ANKRD66: variants seen among roughly 807,000 people sequenced by gnomAD.
The protein encoded by ANKRD66 is ankyrin repeat domain 66.
ANKRD66 carries 10 observed loss-of-function variants against 10.9 expected under a neutral mutation model. The observed-to-expected ratio is 0.91, with a 90% CI of 0.56 to 1.55. ANKRD66 has a LOEUF of 1.55. ANKRD66 is among the 40% of genes most tolerant of loss of function. The pLI, the probability that ANKRD66 is intolerant of heterozygous loss-of-function variation, is 0.00. For missense variants in ANKRD66, 252 were observed against 242.9 expected (o/e 1.04, Z -0.25); for synonymous variants, 85 against 88.4 (o/e 0.96, Z 0.22).
chr6:46,757,982 G>A (rs572796590), intron 4 of ANKRD66: 43 of 152,346 alleles, frequency 2.8e-4, no homozygotes, highest in Middle Eastern at 3.4e-3. Flanking sequence ...CCAGCTTAGG[G>A]TGAGGGACTA....
At chr6:46,749,852 G>A (rs1402773556) in intron 1 of ANKRD66, 44 bp from the exon 2 acceptor site, 2 of 1,535,090 alleles carry the variant, frequency 1.3e-6, no homozygotes, top group Admixed American at 2.0e-5. Flanking sequence ...GGCATTTAGG[G>A]CATTGCATTT....
At chr6:46,748,422 T>C (rs990419845) in intron 1 of ANKRD66, among the ~76,000 whole-genome samples, 1 of 152,188 alleles carries the variant, frequency 6.6e-6, no homozygotes, top group Non-Finnish European at 1.5e-5. Flanking sequence ...AAGGCCTCTA[T>C]GAAAGGCAAG....
Position 46,746,999 on chromosome 6 carries a change from T to C in ANKRD66, c.-97+9T>C, listed in dbSNP as rs1766157275. 4.6e-6 allele frequency: 7 copies of C among 1,535,150 alleles called. No homozygotes were observed. Among genetic ancestry groups the C allele is most frequent in the Non-Finnish European group, 5.2e-6 (6 of 1,146,612 alleles). The stretch of plus-strand genomic sequence containing the variant: ...AAATTTCACACAAGACAGTAAGTGT[T>C]TTTAAGTTACCCTCTCTTATTTACT... On this transcript the variant is annotated intron_variant, in intron 1 of 4. Coordinates refer to ENST00000565422, the MANE Select transcript of ANKRD66 (RefSeq NM_001162435.3).
chr6:46,749,318 G>A (rs1305326869), intron 1 of ANKRD66, among the ~76,000 whole-genome samples: 1 of 152,178 alleles, frequency 6.6e-6, no homozygotes, highest in Non-Finnish European at 1.5e-5. Context: ...AGGAGAGAAA[G>A]TTCACTGGGA....
At chr6:46,751,892 T>C (rs1766277312) in intron 2 of ANKRD66, 45 bp from the exon 3 acceptor site, 2 of 1,391,110 alleles carry the variant, frequency 1.4e-6, no homozygotes, top group Admixed American at 3.6e-5. Flanking sequence ...TCGCTAGGAA[T>C]AAAGAGTTAC....
chr6:46,758,684 T>G (rs1766425571), intron 4 of ANKRD66, 39 bp from the exon 5 acceptor site: 3 of 1,510,304 alleles, frequency 2.0e-6, no homozygotes, highest in Non-Finnish European at 2.7e-6. Flanking sequence ...GAACAGGTCC[T>G]CCTGATCCAA....
intron 4 of ANKRD66, 76 bp downstream of exon 4, chr6:46,754,026 T>C (rs2150727614): frequency 1.6e-6 from 2 of 1,265,734 alleles, no homozygotes; most frequent in East Asian, 5.1e-5. Flanking sequence ...GGTGATTCTG[T>C]GGTCTCAGGT....
intron 1 of ANKRD66, 98 bp from the exon 2 acceptor site, chr6:46,749,798 T>A: frequency 7.1e-7 from 1 of 1,405,412 alleles, no homozygotes; most frequent in South Asian, 1.5e-5. Context: ...GAAAGCTCTT[T>A]TACTTTCCGG....
chr6:46,758,217 C>T (rs1018533969), intron 4 of ANKRD66: 1 of 152,258 alleles, frequency 6.6e-6, no homozygotes, highest in Non-Finnish European at 1.5e-5. Flanking sequence ...GTGTATAATG[C>T]TCTATTTATT....
chr6:46,753,953 A>G lies in ANKRD66; in HGVS notation c.392+3A>G. The G allele has an allele frequency of 6.4e-7, 1 of 1,550,406 alleles. No individual in the cohort carries two copies. Among genetic ancestry groups the G allele is most frequent in the Non-Finnish European group, 8.7e-7 (1 of 1,146,228 alleles). On this transcript the variant is annotated splice_donor_region_variant and intron_variant, in intron 4 of 4. Coordinates refer to ENST00000565422, the MANE Select transcript of ANKRD66 (RefSeq NM_001162435.3). ...GCCTGTGTGGCATTTCTGGAAAAGT[A>G]AGTTTATTTTTTTTCCACCTATAGA...
Position 46,758,711 on chromosome 6 carries a change from C to T in ANKRD66, c.393-12C>T. 1.3e-6 allele frequency: 2 copies of T among 1,536,408 alleles called. No individual in the cohort carries two copies. Among genetic ancestry groups the T allele is most frequent in the Non-Finnish European group, 1.8e-6 (2 of 1,141,816 alleles). On this transcript the variant is annotated splice_polypyrimidine_tract_variant and intron_variant, in intron 4 of 4. Transcript: ENST00000565422. ...CTGATCCAAGTTCAGAAGGCTCTCT[C>T]TTCTTTCCTAGGGCAGAGCCCGAGT...
At chr6:46,751,431 G>A (rs1041072571) in intron 2 of ANKRD66, among the ~76,000 whole-genome samples, 5 of 152,214 alleles carry the variant, frequency 3.3e-5, no homozygotes, top group East Asian at 3.9e-4. Flanking sequence ...CCATCTCAAC[G>A]GGTGTAACAA....
intron 3 of ANKRD66, 92 bp downstream of exon 3, chr6:46,752,203 C>T: frequency 7.9e-7 from 1 of 1,271,658 alleles, no homozygotes; most frequent in Non-Finnish European, 1.0e-6. Flanking sequence ...GTGGAACAAA[C>T]ATTTCTTTAG....
intron 4 of ANKRD66, chr6:46,756,181 C>A (rs768144861): frequency 1.4e-5 from 5 of 365,152 alleles, no homozygotes; most frequent in Non-Finnish European, 2.1e-5. Flanking sequence ...GTCCTAAAAT[C>A]TTGGGGAAGG....
chr6:46,747,397 A>C (rs1766166578), intron 1 of ANKRD66, among the ~76,000 whole-genome samples: 1 of 152,212 alleles, frequency 6.6e-6, no homozygotes, highest in Admixed American at 6.5e-5. Flanking sequence ...CATCTAATCT[A>C]ATTTAAGAAC....
chr6:46,751,432 G>A (rs1766265791), intron 2 of ANKRD66, among the ~76,000 whole-genome samples: 1 of 152,080 alleles, frequency 6.6e-6, no homozygotes, highest in Non-Finnish European at 1.5e-5. Flanking sequence ...CATCTCAACG[G>A]GTGTAACAAC....
At chr6:46,749,786 G>C (rs1223708809) in intron 1 of ANKRD66, 110 bp from the exon 2 acceptor site, 3 of 1,349,588 alleles carry the variant, frequency 2.2e-6, no homozygotes, top group Non-Finnish European at 2.9e-6. Context: ...GCCACTTTTA[G>C]AGAAAGCTCT....
chr6:46,754,846 G>T (rs1766349470), intron 4 of ANKRD66, among the ~76,000 whole-genome samples: 1 of 152,142 alleles, frequency 6.6e-6, no homozygotes, highest in African/African-American at 2.4e-5. Context: ...GGGGAGTAAA[G>T]AGGCAGAACC....
At chr6:46,751,775 G>A (rs1364406870) in intron 2 of ANKRD66, among the ~76,000 whole-genome samples, 162 bp from the exon 3 acceptor site, 1 of 152,148 alleles carries the variant, frequency 6.6e-6, no homozygotes, top group Non-Finnish European at 1.5e-5. Context: ...ACTAACCACA[G>A]GAGCTAAGGT....
Sources: gnomAD v4.1 joint callset for allele counts (sites outside exome capture counted in the v4.1 genomes callset) on GRCh38, gnomAD v4.1.1 for gene constraint, MANE v1.5 for transcripts, NCBI Gene and HGNC (gene_info 2026-07-23, HGNC 2026-07-21) for gene names.